TTLL6: variants seen among roughly 807,000 people sequenced by gnomAD.
TTLL6 encodes the protein tubulin tyrosine ligase like 6, also known as tubulin polyglutamylase TTLL6.
A neutral mutation model predicts 96.4 loss-of-function variants in TTLL6; 75 were observed. That is an observed-to-expected ratio of 0.78 (90% CI 0.65 to 0.94). The LOEUF is 0.94. TTLL6 is among the 40% of genes least tolerant of loss of function. The pLI, the probability that TTLL6 is intolerant of heterozygous loss-of-function variation, is 0.00. For missense variants in TTLL6, 1,030 were observed against 1,093.0 expected (o/e 0.94, Z 0.81); for synonymous variants, 411 against 419.4 (o/e 0.98, Z 0.24).
At chr17:48,780,597 C>T (rs1010585060) in intron 13 of TTLL6, among the ~76,000 whole-genome samples, 1 of 152,186 alleles carries the variant, frequency 6.6e-6, no homozygotes, top group Non-Finnish European at 1.5e-5. Context: ...TGCAAGAGAT[C>T]TCTAGAACTT....
intron 13 of TTLL6, among the ~76,000 whole-genome samples, chr17:48,772,210 C>T (rs761148578): frequency 8.6e-5 from 13 of 151,898 alleles, no homozygotes; most frequent in Admixed American, 7.2e-4. Flanking sequence ...ACCAGCTGGC[C>T]GCAGTGGCTC....
At chr17:48,801,758 T>C in intron 3 of TTLL6, 115 bp from the exon 4 acceptor site, 1 of 768,568 alleles carries the variant, frequency 1.3e-6, no homozygotes, top group East Asian at 2.7e-5. Context: ...TCTCGGCTCC[T>C]CGAGACTGGA....
Position 48,781,950 on chromosome 17 carries a change from T to A in TTLL6, c.2040+2973A>T, listed in dbSNP as rs944518732. Among the ~76,000 whole-genome samples, 3 of 152,204 alleles carry A rather than the reference T, an allele frequency of 2.0e-5. No individual in the cohort carries two copies. In the South Asian group the frequency reaches 6.2e-4, roughly 31 times the overall value. On this transcript the variant is annotated intron_variant, in intron 13 of 15. Coordinates refer to ENST00000393382, the MANE Select transcript of TTLL6 (RefSeq NM_001130918.3). ...CCAGACATCAAACTTGCCAGCACCT[T>A]GATCTTGGACTTCTCAGCCTCCAGA... is the stretch of plus-strand genomic sequence containing the variant.
At position 48,791,413 on chromosome 17, in the gene TTLL6, A is replaced by T; in HGVS notation, c.1189T>A (p.Leu397Met). ...ACFEILGFDI[L>M]LDHKLKPWLL... is the part of the protein sequence containing the mutation. ...CAGGGTTTGAGTTTGTGGTCCAACAAAATGTCAAAGCCCAGGATCTCAAAG... is the reference window on the plus strand; with the variant it reads ...CAGGGTTTGAGTTTGTGGTCCAACATAATGTCAAAGCCCAGGATCTCAAAG... Residue 397 changes from leucine to methionine, a missense_variant, in exon 9 of 16, where the codon TTG (leucine) becomes ATG (methionine). Transcript: ENST00000393382. 6.2e-7 allele frequency: 1 copy of T among 1,614,164 alleles called. No homozygotes were observed. Among genetic ancestry groups the T allele is most frequent in the Non-Finnish European group, 8.5e-7 (1 of 1,180,032 alleles).
chr17:48,768,979 G>A lies in TTLL6; in HGVS notation c.*10C>T, dbSNP rs769848026. ...CACCAAATTCATTAAGGGAATATGT[G>A]TGGGCCTACCTAGCTCCTCTCACAT... On this transcript the variant is annotated intron_variant, in intron 15 of 15. Transcript: ENST00000393382. 2.6e-5 allele frequency: 42 copies of A among 1,611,902 alleles called. 1 individual carries two copies. In the South Asian group the frequency reaches 4.6e-4, roughly 18 times the overall value.
chr17:48,791,639 T>C, intron 8 of TTLL6, 36 bp from the exon 9 acceptor site: 1 of 1,557,666 alleles, frequency 6.4e-7, no homozygotes, highest in Non-Finnish European at 8.8e-7. Flanking sequence ...GCAGTGTAGC[T>C]GGCTTCTGGT....
intron 1 of TTLL6, among the ~76,000 whole-genome samples, chr17:48,814,928 A>G (rs1327020691): frequency 6.6e-6 from 1 of 152,046 alleles, no homozygotes; most frequent in Non-Finnish European, 1.5e-5. Context: ...ACAGGCATGC[A>G]CCACCACGCC....
chr17:48,799,293 C>A (rs1369979234), intron 6 of TTLL6, among the ~76,000 whole-genome samples: 3 of 152,242 alleles, frequency 2.0e-5, no homozygotes, highest in Non-Finnish European at 4.4e-5. Context: ...TGCTCTCCAG[C>A]ATCATGCCCC....
At chr17:48,794,648 T>C (rs561498801) in intron 8 of TTLL6, among the ~76,000 whole-genome samples, 2 of 152,244 alleles carry the variant, frequency 1.3e-5, no homozygotes, top group Admixed American at 1.3e-4. Flanking sequence ...GCTGACATCT[T>C]CTGGAAAAGG....
chr17:48,816,903 G>T (rs1184698387), intron 1 of TTLL6, 67 bp downstream of exon 1: 10 of 1,269,740 alleles, frequency 7.9e-6, no homozygotes, highest in Non-Finnish European at 1.1e-5. Flanking sequence ...GTCTAGCCAG[G>T]TTTTCAGGGG....
At chr17:48,804,368 G>A in intron 2 of TTLL6, 1 of 485,610 alleles carries the variant, frequency 2.1e-6, no homozygotes, top group Non-Finnish European at 4.1e-6. Context: ...AAGGCATGGT[G>A]AAATATTAAA....
intron 1 of TTLL6, among the ~76,000 whole-genome samples, chr17:48,814,318 CAAAAAAAAAAA>C (rs398030988): frequency 1.3e-4 from 7 of 52,856 alleles, no homozygotes; most frequent in Middle Eastern, 0.014. Flanking sequence ...GACAGTGTCT[CAAAAAAAAAAA>C]AAAAAAAAAA....
rs374361761 is a variant in TTLL6, at chr17:48,770,101, G to T, written c.2041-4C>A. On this transcript the variant is annotated splice_polypyrimidine_tract_variant and splice_region_variant and intron_variant, in intron 13 of 15. Transcript: ENST00000393382. ...TGGTTTCTACGGAGGTTAAGTGCTG[G>T]AAGAAAAGACAGTTCAAAATGAGAC... The T allele has an allele frequency of 1.3e-5, 20 of 1,592,250 alleles. No homozygotes were observed. The highest frequency in any genetic ancestry group is 1.8e-5 in the Admixed American group (1 of 56,170).
rs1567722460 is a variant in TTLL6 at position 48,784,936 on chromosome 17, AAT to A, written c.2025_2026del (p.Phe676HisfsTer36). The A allele has an allele frequency of 6.2e-7, 1 of 1,613,936 alleles. No homozygotes were observed. The highest frequency in any genetic ancestry group is 2.2e-5 in the East Asian group (1 of 44,876). ...CTCACTACTTACCACAGTGCCAGTGAATACGTTCACTGCAGAGGCAGACTTGG... is the reference window on the plus strand; with the variant it reads ...CTCACTACTTACCACAGTGCCAGTGAACGTTCACTGCAGAGGCAGACTTGG... On this transcript the variant is annotated frameshift_variant, in exon 13 of 16. Coordinates refer to ENST00000393382, the MANE Select transcript of TTLL6 (RefSeq NM_001130918.3). LOFTEE classifies it high-confidence loss of function.
At position 48,813,428 on chromosome 17, in the gene TTLL6, G is replaced by A. The variant is rs760452252; in HGVS notation, c.103+3542C>T. ...AAATAAATAAGCCAGGTGTGGTGGC[G>A]TGTGCCTGTAGTCCCAGCTACTCAG... On this transcript the variant is annotated intron_variant, in intron 1 of 15. Transcript: ENST00000393382. 8.5e-5 allele frequency among the ~76,000 whole-genome samples: 13 copies of A among 152,094 alleles called. No individual in the cohort carries two copies. The South Asian group carries it at 1.0e-3, about 12-fold the overall frequency.
intron 15 of TTLL6, among the ~76,000 whole-genome samples, chr17:48,763,811 A>AAAAC (rs760370815): frequency 5.9e-5 from 9 of 151,898 alleles, no homozygotes; most frequent in Non-Finnish European, 1.0e-4. Context: ...AAAACAAAAC[A>AAAAC]AAACAAACAA....
chr17:48,806,881 T>C (rs2039512809), intron 1 of TTLL6, among the ~76,000 whole-genome samples: 1 of 151,264 alleles, frequency 6.6e-6, no homozygotes, highest in African/African-American at 2.4e-5. Flanking sequence ...AAATACAAAA[T>C]TAGCCAGGCA....
At chr17:48,794,891 G>A (rs2039290597) in intron 8 of TTLL6, among the ~76,000 whole-genome samples, 3 of 152,216 alleles carry the variant, frequency 2.0e-5, no homozygotes, top group Admixed American at 1.3e-4. Context: ...CAGTCTAGCA[G>A]TCACAGCTGC....
chr17:48,812,955 T>C (rs955832047), intron 1 of TTLL6, among the ~76,000 whole-genome samples: 1 of 152,208 alleles, frequency 6.6e-6, no homozygotes, highest in Non-Finnish European at 1.5e-5. Context: ...CAATAGACTA[T>C]TGAAAACCCA....
Sources: allele counts gnomAD v4.1 joint callset (sites outside exome capture counted in the v4.1 genomes callset), GRCh38; gene constraint gnomAD v4.1.1; transcripts MANE v1.5; gene names NCBI Gene and HGNC (gene_info 2026-07-23, HGNC 2026-07-21).